The following SGCD variants were observed in gnomAD, a reference collection of about 807,000 sequenced individuals.
The protein encoded by SGCD is delta-sarcoglycan.
Under a neutral mutation model 36.6 loss-of-function variants are expected in SGCD, and 18 were observed. The observed-to-expected ratio is 0.49, with a 90% CI of 0.34 to 0.73. The LOEUF (loss-of-function observed/expected upper bound fraction) is 0.73. SGCD is among the 30% of genes least tolerant of loss of function. The pLI is 0.01. For missense variants in SGCD, 387 were observed against 346.7 expected (o/e 1.12, Z -0.92); for synonymous variants, 133 against 130.6 (o/e 1.02, Z -0.12).
chr5:156,392,689 A>T (rs1337419730), intron 3 of SGCD, among the ~76,000 whole-genome samples: 2 of 152,148 alleles, frequency 1.3e-5, no homozygotes, highest in Non-Finnish European at 2.9e-5. Flanking sequence ...AATGAGTTCA[A>T]GGTTTTATTC....
chr5:156,302,954 G>A (rs1361248358), intron 3 of SGCD, among the ~76,000 whole-genome samples: 1 of 152,190 alleles, frequency 6.6e-6, no homozygotes, highest in Non-Finnish European at 1.5e-5. Flanking sequence ...CCCAAAGCCT[G>A]CAGCAACCAC....
At chr5:156,326,893 T>G (rs2127699371), upstream of SGCD, 1 of 152,444 alleles carries the variant, frequency 6.6e-6, no homozygotes, top group African/African-American at 2.4e-5. Context: ...TGAGCGCTGT[T>G]GCAGGGGAGT....
At chr5:156,330,840 T>C (rs1768036973) in intron 2 of SGCD, among the ~76,000 whole-genome samples, 1 of 152,204 alleles carries the variant, frequency 6.6e-6, no homozygotes, top group African/African-American at 2.4e-5. Flanking sequence ...GCTCAGGGTC[T>C]GCCTCAAACG....
intron 6 of SGCD, among the ~76,000 whole-genome samples, chr5:156,631,023 G>T (rs925991506): frequency 6.6e-6 from 1 of 152,144 alleles, no homozygotes; most frequent in African/African-American, 2.4e-5. Context: ...CCCCAGCCAA[G>T]GAAGGGCAAT....
chr5:156,484,023 C>A (rs1006837108), intron 3 of SGCD, among the ~76,000 whole-genome samples: 5 of 152,158 alleles, frequency 3.3e-5, no homozygotes, highest in Non-Finnish European at 7.3e-5. Flanking sequence ...AATTGACATC[C>A]CAGAAACCGG....
At chr5:155,753,390 T>C in the SGCD span, among the ~76,000 whole-genome samples, 1 of 152,014 alleles carries the variant, frequency 6.6e-6, no homozygotes, top group Non-Finnish European at 1.5e-5. Context: ...GTTTGTTTTG[T>C]TTGTGTGTTA....
intron 7 of SGCD, among the ~76,000 whole-genome samples, chr5:156,663,569 A>G (rs1425345420): frequency 6.8e-6 from 1 of 146,406 alleles, no homozygotes; most frequent in Non-Finnish European, 1.5e-5. Flanking sequence ...ACTCCAAGGA[A>G]TTGAAGAGCT....
At chr5:156,677,931 A>G (rs1581384786) in intron 7 of SGCD, among the ~76,000 whole-genome samples, 2 of 152,342 alleles carry the variant, frequency 1.3e-5, no homozygotes, top group Admixed American at 6.5e-5. Flanking sequence ...GGCCTTTTGC[A>G]TCATGTAATT....
chr5:156,453,750 C>A (rs952801765), intron 3 of SGCD, among the ~76,000 whole-genome samples: 3 of 152,096 alleles, frequency 2.0e-5, no homozygotes, highest in African/African-American at 7.2e-5. Context: ...AACAAACAAA[C>A]AAACAAAAAC....
intron 3 of SGCD, among the ~76,000 whole-genome samples, chr5:156,209,139 A>T (rs1764369457): frequency 1.3e-5 from 2 of 152,108 alleles, no homozygotes; most frequent in South Asian, 4.1e-4. Context: ...AACACCCATG[A>T]GCAAAGCCTG....
At chr5:156,612,516 C>T (rs1360968063) in intron 6 of SGCD, among the ~76,000 whole-genome samples, 1 of 152,232 alleles carries the variant, frequency 6.6e-6, no homozygotes, top group Non-Finnish European at 1.5e-5. Context: ...AGCAGGCTGA[C>T]TGTTGGACTG....
intron 3 of SGCD, among the ~76,000 whole-genome samples, chr5:156,305,479 AT>A (rs1369571762): frequency 2.0e-5 from 3 of 152,162 alleles, no homozygotes; most frequent in Non-Finnish European, 4.4e-5. Flanking sequence ...ATTTCAGAGG[AT>A]GTATGGAAAT....
At chr5:156,349,597 T>A (rs1769130669) in intron 3 of SGCD, among the ~76,000 whole-genome samples, 1 of 151,928 alleles carries the variant, frequency 6.6e-6, no homozygotes, top group Non-Finnish European at 1.5e-5. Flanking sequence ...AAAAAATAGA[T>A]GTTGGTTTGG....
intron 3 of SGCD, among the ~76,000 whole-genome samples, chr5:156,223,400 A>G (rs1219287358): frequency 6.6e-6 from 1 of 152,130 alleles, no homozygotes; most frequent in Non-Finnish European, 1.5e-5. Context: ...CACCTCTTCA[A>G]ATGAAGAAGC....
intron 3 of SGCD, among the ~76,000 whole-genome samples, chr5:156,166,526 T>C (rs1299190427): frequency 2.6e-5 from 4 of 152,184 alleles, no homozygotes; most frequent in Non-Finnish European, 5.9e-5. Flanking sequence ...TTCACCGTGT[T>C]AGCCAGGGTG....
In SGCD at chr5:156,172,262, G is replaced by A. The variant is rs575958623; in HGVS notation, c.-44+48243G>A. Reference sequence around the variant, plus strand: ...TGAGCCATTGCACTCCAGCCTAGTCGAAAAGAGCAAAACTCCATCTCAAAA... The same window carrying A: ...TGAGCCATTGCACTCCAGCCTAGTCAAAAAGAGCAAAACTCCATCTCAAAA... On this transcript the variant is annotated intron_variant, in intron 3 of 9. Transcript: ENST00000517913. 2.1e-4 allele frequency among the ~76,000 whole-genome samples: 32 copies of A among 152,182 alleles called. No individual in the cohort carries two copies. The South Asian group carries it at 3.7e-3, about 18-fold the overall frequency.
At chr5:155,946,167 A>T (rs1205224853) in intron 1 of SGCD, among the ~76,000 whole-genome samples, 2 of 151,968 alleles carry the variant, frequency 1.3e-5, no homozygotes, top group Non-Finnish European at 2.9e-5. Context: ...GTGGAAGAGA[A>T]CTCATGATTC....
At chr5:156,582,820 C>T (rs542274838) in intron 4 of SGCD, among the ~76,000 whole-genome samples, 21 of 152,036 alleles carry the variant, frequency 1.4e-4, no homozygotes, top group South Asian at 1.0e-3. Context: ...CATGTGCACG[C>T]GCACACACAC....
intron 3 of SGCD, among the ~76,000 whole-genome samples, chr5:156,175,337 A>T (rs149521132): frequency 6.6e-6 from 1 of 152,306 alleles, no homozygotes; most frequent in African/African-American, 2.4e-5. Flanking sequence ...AAATAGTAAA[A>T]TATGAATTGA....
Sources: gnomAD v4.1 joint callset for allele counts (sites outside exome capture counted in the v4.1 genomes callset) on GRCh38, gnomAD v4.1.1 for gene constraint, MANE v1.5 for transcripts, NCBI Gene and HGNC (gene_info 2026-07-23, HGNC 2026-07-21) for gene names.